SH3GLB2: variants seen among roughly 807,000 people sequenced by gnomAD.
SH3GLB2 encodes the protein endophilin-B2.
Under a neutral mutation model 48.0 loss-of-function variants are expected in SH3GLB2, and 24 were observed. The ratio of observed to expected loss-of-function variants is 0.50; its 90% CI spans 0.36 to 0.70. The LOEUF (loss-of-function observed/expected upper bound fraction) is 0.70, where lower values mean the gene tolerates loss of function less well. SH3GLB2 is among the 30% of genes least tolerant of loss of function. The pLI, the probability that SH3GLB2 is intolerant of heterozygous loss-of-function variation, is 0.00. For synonymous variants in SH3GLB2, 227 were observed against 207.6 expected (o/e 1.09, Z -0.80); for missense variants, 425 against 516.0 (o/e 0.82, Z 1.71).
At chr9:129,018,392 A>G (rs2131273615) in intron 3 of SH3GLB2, among the ~76,000 whole-genome samples, 1 of 151,936 alleles carries the variant, frequency 6.6e-6, no homozygotes, top group East Asian at 1.9e-4. Flanking sequence ...CCTGGCCAAC[A>G]TGGTGAGACC....
chr9:129,008,876 T>C, intron 10 of SH3GLB2, 85 bp from the exon 11 acceptor site: 1 of 1,371,188 alleles, frequency 7.3e-7, no homozygotes, highest in Non-Finnish European at 1.0e-6. Context: ...AGCTGCCACC[T>C]CCCCATGGCC....
chr9:129,020,660 G>A (rs1222965251), intron 3 of SH3GLB2, among the ~76,000 whole-genome samples: 1 of 151,670 alleles, frequency 6.6e-6, no homozygotes, highest in African/African-American at 2.4e-5. Flanking sequence ...GAGGTCAGGA[G>A]ATCGAGACCA....
chr9:129,009,061 C>T (rs1842926920), intron 10 of SH3GLB2, 45 bp downstream of exon 10: 1 of 1,600,538 alleles, frequency 6.2e-7, no homozygotes, highest in Admixed American at 1.7e-5. Context: ...CCAGGCTGCT[C>T]CTCACCCAGC....
intron 2 of SH3GLB2, among the ~76,000 whole-genome samples, chr9:129,022,072 A>C (rs1246911894): frequency 1.3e-5 from 2 of 151,842 alleles, no homozygotes; most frequent in African/African-American, 4.8e-5. Flanking sequence ...TGCAAAACTC[A>C]GTGTTTCCAC....
In SH3GLB2 at chr9:129,007,530, GACATC is replaced by G. The variant is rs1842839978; in HGVS notation, c.*1149_*1153del. On this transcript the variant is annotated 3_prime_UTR_variant, in exon 11 of 11. Coordinates refer to ENST00000372564, the MANE Select transcript of SH3GLB2 (RefSeq NM_020145.4). ...CCTGCTAGGGGCCATCTAAAACACA[GACATC>G]ACTTAGGGTTTCTAGAATCAGGCTG... 1 of 152,152 alleles carries G rather than the reference GACATC, an allele frequency of 6.6e-6. No homozygotes were observed. Among genetic ancestry groups the G allele is most frequent in the Non-Finnish European group, 1.5e-5 (1 of 68,028 alleles). The allele number at this position is 152,152 out of a possible 1,614,324, so 9.4% of individuals were successfully genotyped here. A position where few individuals can be genotyped will look rare whatever the true frequency, so the allele number is the denominator to read the frequency against.
rs900499402 is a variant in SH3GLB2, at chr9:129,021,341, G to A, written c.206-122C>T. 43 of 1,253,088 alleles carry A rather than the reference G, an allele frequency of 3.4e-5. No individual in the cohort carries two copies. The Admixed American group carries it at 7.3e-4, about 21-fold the overall frequency. The allele number at this position is 1,253,088 out of a possible 1,614,324, so 77.6% of individuals were successfully genotyped here. A position where few individuals can be genotyped will look rare whatever the true frequency, so the allele number is the denominator to read the frequency against. Reference sequence around the variant, plus strand: ...CCTGGCCTGCTGACTTCCAGAATACGCTCTTGCTCATGCCCAACCCTGAGA... The same window carrying A: ...CCTGGCCTGCTGACTTCCAGAATACACTCTTGCTCATGCCCAACCCTGAGA... On this transcript the variant is annotated intron_variant, in intron 2 of 10. Coordinates refer to ENST00000372564, the MANE Select transcript of SH3GLB2 (RefSeq NM_020145.4).
At chr9:129,010,384 C>T (rs1843045414) in intron 7 of SH3GLB2, 175 bp from the exon 8 acceptor site, 2 of 644,820 alleles carry the variant, frequency 3.1e-6, no homozygotes, top group Non-Finnish European at 5.5e-6. Context: ...AGCTAGAGCC[C>T]CACTCAGGAC....
chr9:129,007,689 G>A lies in SH3GLB2; in HGVS notation c.*995C>T, dbSNP rs1842845523. On this transcript the variant is annotated 3_prime_UTR_variant, in exon 11 of 11. Coordinates refer to ENST00000372564, the MANE Select transcript of SH3GLB2 (RefSeq NM_020145.4). ...GAGAACCCATGGCACGGGGGCACATGCTGGGTGAAACGCCCGACCTGCAGA... is the reference window on the plus strand; with the variant it reads ...GAGAACCCATGGCACGGGGGCACATACTGGGTGAAACGCCCGACCTGCAGA... 1 of 152,294 alleles carries A rather than the reference G, an allele frequency of 6.6e-6. No homozygotes were observed. The highest frequency in any genetic ancestry group is 2.4e-5 in the African/African-American group (1 of 41,464). 9.4% of individuals were successfully genotyped at this position (152,294 alleles called of 1,614,324 possible). A position where few individuals can be genotyped will look rare whatever the true frequency, so the allele number is the denominator to read the frequency against.
At chr9:129,010,591 T>A (rs1236176122) in intron 7 of SH3GLB2, 79 bp downstream of exon 7, 18 of 1,523,962 alleles carry the variant, frequency 1.2e-5, no homozygotes, top group Non-Finnish European at 9.1e-6. Flanking sequence ...GAGAAACAGA[T>A]CAGACCCCAC....
chr9:129,026,572 AC>A (rs963050881), intron 1 of SH3GLB2, among the ~76,000 whole-genome samples: 10 of 145,278 alleles, frequency 6.9e-5, no homozygotes, highest in Non-Finnish European at 1.4e-4. Context: ...CTGGGGCCTG[AC>A]TGCTGGCTCC....
chr9:129,012,943 C>T, intron 5 of SH3GLB2: 1 of 1,548,984 alleles, frequency 6.5e-7, no homozygotes, highest in Non-Finnish European at 8.7e-7. Flanking sequence ...GGCCATGGCA[C>T]CGTGGGTCCA....
At position 129,014,940 on chromosome 9, in the gene SH3GLB2, C is replaced by T. The variant is rs779940871; in HGVS notation, c.335-36G>A. Reference sequence around the variant, plus strand: ...AGAGTTGAAGCGTGAGGAAGAAGGTCAGGCTCAGGCTACTCTGATCTACAG... The same window carrying T: ...AGAGTTGAAGCGTGAGGAAGAAGGTTAGGCTCAGGCTACTCTGATCTACAG... On this transcript the variant is annotated intron_variant, in intron 3 of 10. Transcript: ENST00000372564. This position sits in a 1 kb window ranked among gnomAD's most constrained non-coding sequence, Gnocchi z 4.1. 6.2e-7 allele frequency: 1 copy of T among 1,602,124 alleles called. No homozygotes were observed. The highest frequency in any genetic ancestry group is 8.5e-7 in the Non-Finnish European group (1 of 1,173,992).
chr9:129,015,136 G>T (rs1843349982), intron 3 of SH3GLB2, among the ~76,000 whole-genome samples: 1 of 152,134 alleles, frequency 6.6e-6, no homozygotes, highest in Admixed American at 6.6e-5. Context: ...ATAAAGATCG[G>T]GGTTAGACTT....
intron 5 of SH3GLB2, 85 bp from the exon 6 acceptor site, chr9:129,012,383 G>T: frequency 1.2e-6 from 1 of 860,160 alleles, no homozygotes. Flanking sequence ...CCAGAGTCTT[G>T]CACAAGGAGA....
At position 129,008,539 on chromosome 9, in the gene SH3GLB2, C is replaced by T. The variant is rs966213179; in HGVS notation, c.*145G>A. On this transcript the variant is annotated 3_prime_UTR_variant, in exon 11 of 11. Coordinates refer to ENST00000372564, the MANE Select transcript of SH3GLB2 (RefSeq NM_020145.4). ...AGCCATTCAGCCTCAGGCACCCTCA[C>T]AGCTAGGTGACTAGGGGCAGGGACA... 1 of 656,690 alleles carries T rather than the reference C, an allele frequency of 1.5e-6. No homozygotes were observed. Among genetic ancestry groups the T allele is most frequent in the Admixed American group, 2.3e-5 (1 of 44,202 alleles). The allele number at this position is 656,690 out of a possible 1,614,324, so 40.7% of individuals were successfully genotyped here.
chr9:129,010,990 G>A (rs1843088376), intron 6 of SH3GLB2: 1 of 459,114 alleles, frequency 2.2e-6, no homozygotes, highest in East Asian at 3.8e-5. Flanking sequence ...GAGACGGAGT[G>A]TCCCCACCCC....
Position 129,008,806 on chromosome 9 carries a change from G to T in SH3GLB2, c.1081-15C>A, listed in dbSNP as rs1236034306. 6.2e-7 allele frequency: 1 copy of T among 1,610,402 alleles called. No individual in the cohort carries two copies. Among genetic ancestry groups the T allele is most frequent in the South Asian group, 1.1e-5 (1 of 90,944 alleles). Reference sequence around the variant, plus strand: ...ACAGTGATGAGCTGCAGAGATGGCAGTAGAGGACGGTCATGGCCTGGCCAA... The same window carrying T: ...ACAGTGATGAGCTGCAGAGATGGCATTAGAGGACGGTCATGGCCTGGCCAA... On this transcript the variant is annotated splice_polypyrimidine_tract_variant and intron_variant, in intron 10 of 10. Coordinates refer to ENST00000372564, the MANE Select transcript of SH3GLB2 (RefSeq NM_020145.4).
chr9:129,020,594 G>A (rs946806116), intron 3 of SH3GLB2, among the ~76,000 whole-genome samples: 4 of 151,692 alleles, frequency 2.6e-5, no homozygotes, highest in Admixed American at 2.0e-4. Flanking sequence ...TAGGCCGGGC[G>A]CGGTGGCTCA....
intron 3 of SH3GLB2, among the ~76,000 whole-genome samples, chr9:129,016,872 A>C (rs1843458697): frequency 6.6e-6 from 1 of 152,080 alleles, no homozygotes; most frequent in African/African-American, 2.4e-5. Context: ...AGACAGTTCC[A>C]AAATACATAA....
Sources: allele counts gnomAD v4.1 joint callset (sites outside exome capture counted in the v4.1 genomes callset), GRCh38; gene constraint gnomAD v4.1.1; non-coding constraint Gnocchi (gnomAD v3.1); transcripts MANE v1.5; gene names NCBI Gene and HGNC (gene_info 2026-07-23, HGNC 2026-07-21).